C4orf54: variants seen among roughly 807,000 people sequenced by gnomAD.
The protein encoded by C4orf54 is chromosome 4 open reading frame 54.
A neutral mutation model predicts 80.1 loss-of-function variants in C4orf54; 67 were observed. The ratio of observed to expected loss-of-function variants is 0.84; its 90% CI spans 0.69 to 1.03. C4orf54 has a LOEUF of 1.03. Ranked by LOEUF, C4orf54 falls within the 50% of genes least tolerant of loss-of-function variation. The probability of loss-of-function intolerance (pLI) is 0.00; values close to 1 mark genes in which losing one functional copy is unlikely to be tolerated. For missense variants in C4orf54, 2,434 were observed against 2,253.5 expected (o/e 1.08, Z -1.62); for synonymous variants, 1,000 against 917.0 (o/e 1.09, Z -1.64).
rs1379041816 is a variant in C4orf54, at chr4:99,649,315, G to A, written c.5334C>T (p.Pro1778=). 1 of 1,535,432 alleles carries A rather than the reference G, an allele frequency of 6.5e-7. No individual in the cohort carries two copies. Among genetic ancestry groups the A allele is most frequent in the Non-Finnish European group, 8.7e-7 (1 of 1,146,448 alleles). ...TCATGGTGGTGCCATCAAAGGAAGGGGGAGCAATGATCCGTGGCCCCAGGG... is the reference window on the plus strand; with the variant it reads ...TCATGGTGGTGCCATCAAAGGAAGGAGGAGCAATGATCCGTGGCCCCAGGG... The part of the protein sequence containing the change: ...SQPLGPRIIA[P]PSFDGTTMSF... The change falls in exon 2 of 3, where the codon CCC becomes CCT. Residue 1778 remains proline, a synonymous_variant. Coordinates refer to ENST00000511828, the MANE Select transcript of C4orf54 (RefSeq NM_001354435.2).
chr4:99,648,224 G>T (rs931696023), intron 2 of C4orf54, among the ~76,000 whole-genome samples: 12 of 152,092 alleles, frequency 7.9e-5, no homozygotes, highest in African/African-American at 2.4e-4. Flanking sequence ...GCCCTGTCAT[G>T]TGTTTGACCT....
intron 2 of C4orf54, among the ~76,000 whole-genome samples, chr4:99,645,623 G>C (rs1396757486): frequency 6.6e-6 from 1 of 152,026 alleles, no homozygotes; most frequent in African/African-American, 2.4e-5. Context: ...GGGCAGGAGA[G>C]CATGTCAGGA....
At position 99,653,226 on chromosome 4, in the gene C4orf54, C is replaced by G; in HGVS notation, c.1423G>C (p.Asp475His). ...SSTEVGSGPSDSGPTPPPTGP... is the reference protein window; with the variant it reads ...SSTEVGSGPSHSGPTPPPTGP... ...GTGGGTGGGGGAGTGGGGCCACTGT[C>G]AGAGGGGCCACTGCCCACTTCGGTG... The change falls in exon 2 of 3, where the codon GAC (aspartate) becomes CAC (histidine). Residue 475 changes from aspartate to histidine, a missense_variant. Physicochemically the swap from Asp to His is moderately conservative, Grantham distance 81. Transcript: ENST00000511828. 1.3e-6 allele frequency: 2 copies of G among 1,534,194 alleles called. No individual in the cohort carries two copies. Among genetic ancestry groups the G allele is most frequent in the Non-Finnish European group, 1.7e-6 (2 of 1,145,592 alleles).
Position 99,650,276 on chromosome 4 carries a change from C to T in C4orf54, c.4373G>A (p.Ser1458Asn). 2 of 1,536,132 alleles carry T rather than the reference C, an allele frequency of 1.3e-6. No individual in the cohort carries two copies. The highest frequency in any genetic ancestry group is 1.7e-6 in the Non-Finnish European group (2 of 1,146,912). Residue 1458 changes from serine (S) to asparagine (N), a missense_variant, in exon 2 of 3, where the codon AGC (serine) becomes AAC (asparagine). Coordinates refer to ENST00000511828, the MANE Select transcript of C4orf54 (RefSeq NM_001354435.2). Reference protein sequence around the residue: ...PDEVTNRKSGSNLEKSNSDCE... With the variant: ...PDEVTNRKSGNNLEKSNSDCE... ...GTCACTGTTGCTCTTCTCCAAATTG[C>T]TGCCACTTTTCCTGTTGGTCACCTC... is the stretch of plus-strand genomic sequence containing the variant.
chr4:99,652,242 G>C lies in C4orf54; in HGVS notation c.2407C>G (p.Pro803Ala), dbSNP rs1054090431. 2 of 1,535,764 alleles carry C rather than the reference G, an allele frequency of 1.3e-6. No individual in the cohort carries two copies. Among genetic ancestry groups the C allele is most frequent in the Non-Finnish European group, 1.7e-6 (2 of 1,146,820 alleles). The change falls in exon 2 of 3, where the codon CCC (proline) becomes GCC (alanine). Residue 803 changes from proline (P) to alanine (A), a missense_variant. Pro to Ala is a conservative substitution (Grantham distance 27, BLOSUM62 -1). Coordinates refer to ENST00000511828, the MANE Select transcript of C4orf54 (RefSeq NM_001354435.2). ...CTGGAGGCGAACTTGGACTTCTGGG[G>C]GCCATCGGCGCGGGAGGTGGGCTTG... is the stretch of plus-strand genomic sequence containing the variant. ...GSKPTSRADG[P>A]QKSKFASSLL...
At chr4:99,657,411 A>G (rs1421000938) in intron 1 of C4orf54, among the ~76,000 whole-genome samples, 84 bp downstream of exon 1, 2 of 152,246 alleles carry the variant, frequency 1.3e-5, no homozygotes, top group African/African-American at 4.8e-5. Context: ...TACCTGCAGC[A>G]TCTTGCTTCC....
Position 99,654,078 on chromosome 4 carries a change from C to A in C4orf54, c.571G>T (p.Glu191Ter), listed in dbSNP as rs1726930959. ...LPKPSASSQR[E>*]AKYVDMCASA... ...GCACACATGTCCACATATTTCGCTT[C>A]TCGCTGGGAGGAGGCTGAAGGCTTG... Residue 191 changes from glutamate to a stop codon, truncating the protein, a stop_gained, in exon 2 of 3, where the codon GAA becomes TAA. Transcript: ENST00000511828. LOFTEE classifies it high-confidence loss of function. 2 of 1,536,058 alleles carry A rather than the reference C, an allele frequency of 1.3e-6. No homozygotes were observed. Among genetic ancestry groups the A allele is most frequent in the Non-Finnish European group, 8.7e-7 (1 of 1,146,928 alleles).
At position 99,654,151 on chromosome 4, in the gene C4orf54, G is replaced by A. The variant is rs1421574847; in HGVS notation, c.498C>T (p.Ser166=). The A allele has an allele frequency of 3.3e-6, 5 of 1,536,126 alleles. No individual in the cohort carries two copies. Among genetic ancestry groups the A allele is most frequent in the Non-Finnish European group, 4.4e-6 (5 of 1,146,904 alleles). ...ARQAEVGDGV[S]SAQDSQELKQ... Reference sequence around the variant, plus strand: ...TGAGCTCCTGGCTGTCTTGAGCACTGCTCACCCCGTCCCCCACCTCCGCCT... The same window carrying A: ...TGAGCTCCTGGCTGTCTTGAGCACTACTCACCCCGTCCCCCACCTCCGCCT... The change falls in exon 2 of 3, where the codon AGC becomes AGT. Residue 166 remains serine, a synonymous_variant. Coordinates refer to ENST00000511828, the MANE Select transcript of C4orf54 (RefSeq NM_001354435.2).
Position 99,657,085 on chromosome 4 carries a change from A to G in C4orf54, c.-32+410T>C, listed in dbSNP as rs184353336. ...TAACATATAGTTGGCTCCTTCAGGC[A>G]AGCTGAGTATTTTCAATGTCCCATT... On this transcript the variant is annotated intron_variant, in intron 1 of 2. Coordinates refer to ENST00000511828, the MANE Select transcript of C4orf54 (RefSeq NM_001354435.2). Among the ~76,000 whole-genome samples the G allele has an allele frequency of 4.5e-3, 690 of 152,364 alleles. 21 individuals are homozygous for G. The highest frequency in any genetic ancestry group is 3.9e-3 in the East Asian group (20 of 5,190).
Position 99,640,967 on chromosome 4 carries a change from T to C in C4orf54, c.*266A>G, listed in dbSNP as rs1726597745. ...TCCTGTGTTGAAGTATAAAAAGAAA[T>C]AGTCATAAAGGGAAAAAATGCAACC... On this transcript the variant is annotated 3_prime_UTR_variant, in exon 3 of 3. Coordinates refer to ENST00000511828, the MANE Select transcript of C4orf54 (RefSeq NM_001354435.2). 1 of 151,856 alleles carries C rather than the reference T, an allele frequency of 6.6e-6. No homozygotes were observed. Among genetic ancestry groups the C allele is most frequent in the Admixed American group, 6.6e-5 (1 of 15,242 alleles). The allele number at this position is 151,856 out of a possible 1,614,324, so 9.4% of individuals were successfully genotyped here.
chr4:99,643,219 T>C (rs539484781), intron 2 of C4orf54, among the ~76,000 whole-genome samples: 1 of 152,314 alleles, frequency 6.6e-6, no homozygotes, highest in South Asian at 2.1e-4. Flanking sequence ...CTATGTCTTC[T>C]GTCATGGTTT....
At chr4:99,655,790 A>T (rs1000662925) in intron 1 of C4orf54, among the ~76,000 whole-genome samples, 1 of 152,186 alleles carries the variant, frequency 6.6e-6, no homozygotes, top group African/African-American at 2.4e-5. Context: ...TGCCAGGCCC[A>T]GTTCCACCAC....
intron 2 of C4orf54, among the ~76,000 whole-genome samples, chr4:99,643,792 A>ACCCCC (rs10714195): frequency 5.3e-4 from 52 of 98,882 alleles, no homozygotes; most frequent in Admixed American, 1.6e-3. Flanking sequence ...ACACACACAC[A>ACCCCC]CCCCCTCCGC....
In C4orf54 at chr4:99,649,498, C is replaced by T; in HGVS notation, c.5151G>A (p.Glu1717=). The T allele has an allele frequency of 6.5e-7, 1 of 1,536,158 alleles. No individual in the cohort carries two copies. Among genetic ancestry groups the T allele is most frequent in the African/African-American group, 1.4e-5 (1 of 73,166 alleles). The part of the protein sequence containing the change: ...SPMVAEPSSK[E]AAATFTEAPY... ...GGGCCTCGGTGAACGTTGCAGCTGC[C>T]TCTTTGCTGGAAGGTTCTGCCACCA... is the stretch of plus-strand genomic sequence containing the variant. Residue 1717 remains glutamate, a synonymous_variant, in exon 2 of 3, where the codon GAG becomes GAA. Transcript: ENST00000511828.
rs987258802 is a variant in C4orf54 at position 99,640,018 on chromosome 4, T to C, written c.*1215A>G. The C allele has an allele frequency of 9.2e-5, 14 of 152,288 alleles. 1 individual carries two copies. The South Asian group carries it at 2.9e-3, about 32-fold the overall frequency. The allele number at this position is 152,288 out of a possible 1,614,324, so 9.4% of individuals were successfully genotyped here. A position where few individuals can be genotyped will look rare whatever the true frequency, so the allele number is the denominator to read the frequency against. ...AAAGTAATTAAGTAATATTTCAATG[T>C]AACATTTGCCAAGTATATATCGATA... On this transcript the variant is annotated 3_prime_UTR_variant, in exon 3 of 3. Transcript: ENST00000511828.
chr4:99,652,788 T>G lies in C4orf54; in HGVS notation c.1861A>C (p.Lys621Gln), dbSNP rs1211140651. The change falls in exon 2 of 3, where the codon AAA becomes CAA. Residue 621 changes from lysine to glutamine, a missense_variant. Transcript: ENST00000511828. ...SAVSELDDAD[K>Q]EVRNLTSRAF... ...CGGGAGGTCAGGTTACGCACCTCTTTGTCCGCATCGTCCAGTTCGCTCACG... is the reference window on the plus strand; with the variant it reads ...CGGGAGGTCAGGTTACGCACCTCTTGGTCCGCATCGTCCAGTTCGCTCACG... The G allele has an allele frequency of 3.9e-6, 6 of 1,536,108 alleles. No individual in the cohort carries two copies. The South Asian group carries it at 7.1e-5, about 18-fold the overall frequency.
chr4:99,653,071 A>C lies in C4orf54; in HGVS notation c.1578T>G (p.Ala526=). 6.5e-7 allele frequency: 1 copy of C among 1,536,200 alleles called. No individual in the cohort carries two copies. The highest frequency in any genetic ancestry group is 8.7e-7 in the Non-Finnish European group (1 of 1,146,904). Residue 526 remains alanine (A), a synonymous_variant, in exon 2 of 3, where the codon GCT becomes GCG. Transcript: ENST00000511828. The part of the protein sequence containing the change: ...ASQILLSIKP[A]SRAINEPSNV... ...TGCTAGGCTCATTTATAGCCCGGGA[A>C]GCCGGTTTGATTGATAGGAGGATCT...
In C4orf54 at chr4:99,652,460, T is replaced by A; in HGVS notation, c.2189A>T (p.His730Leu). ...VVSKVEGEIK[H>L]VETPLCFQKQ... Reference sequence around the variant, plus strand: ...CTGGAAACACAGGGGCGTCTCCACATGTTTGATTTCCCCCTCGACTTTGCT... The same window carrying A: ...CTGGAAACACAGGGGCGTCTCCACAAGTTTGATTTCCCCCTCGACTTTGCT... The change falls in exon 2 of 3, where the codon CAT (histidine) becomes CTT (leucine). Residue 730 changes from histidine to leucine, a missense_variant. Transcript: ENST00000511828. 6.5e-7 allele frequency: 1 copy of A among 1,535,882 alleles called. No homozygotes were observed. The highest frequency in any genetic ancestry group is 8.7e-7 in the Non-Finnish European group (1 of 1,146,818).
Position 99,638,033 on chromosome 4 carries a change from A to G in C4orf54, c.*3200T>C, listed in dbSNP as rs369481238. ...TTGATTTCTATGAAGTATGAAAACA[A>G]TTAAAATCTATCTTTTTAAGAGGCA... On this transcript the variant is annotated 3_prime_UTR_variant, in exon 3 of 3. Coordinates refer to ENST00000511828, the MANE Select transcript of C4orf54 (RefSeq NM_001354435.2). 1 of 152,202 alleles carries G rather than the reference A, an allele frequency of 6.6e-6. No individual in the cohort carries two copies. The highest frequency in any genetic ancestry group is 2.4e-5 in the African/African-American group (1 of 41,458). 9.4% of individuals were successfully genotyped at this position (152,202 alleles called of 1,614,324 possible). A position where few individuals can be genotyped will look rare whatever the true frequency, so the allele number is the denominator to read the frequency against.
Sources: gnomAD v4.1 joint callset for allele counts (sites outside exome capture counted in the v4.1 genomes callset) on GRCh38, gnomAD v4.1.1 for gene constraint, MANE v1.5 for transcripts, NCBI Gene and HGNC (gene_info 2026-07-23, HGNC 2026-07-21) for gene names.